TAMM41: variants seen among roughly 807,000 people sequenced by gnomAD.
TAMM41 encodes the protein TAM41 mitochondrial translocator assembly and maintenance homolog.
Under a neutral mutation model 44.1 loss-of-function variants are expected in TAMM41, and 36 were observed. The observed-to-expected ratio is 0.82, with a 90% CI of 0.63 to 1.08. TAMM41 has a LOEUF of 1.08. Among genes scored for constraint, TAMM41 ranks in the 50% least tolerant of loss-of-function variants. TAMM41 has a pLI of 0.00. For synonymous variants in TAMM41, 164 were observed against 153.1 expected, an observed-to-expected ratio of 1.07 and a Z score of -0.53; for missense variants, 417 against 404.3, an observed-to-expected ratio of 1.03 and a Z score of -0.27.
At position 11,833,024 on chromosome 3, in the gene TAMM41, G is replaced by A. The variant is rs187917687; in HGVS notation, c.412-3160C>T. 4,385 of 1,072,322 alleles carry A rather than the reference G, an allele frequency of 4.1e-3. 20 individuals carry two copies. The highest frequency in any genetic ancestry group is 5.7e-3 in the Middle Eastern group (22 of 3,864). The allele number at this position is 1,072,322 out of a possible 1,614,324, so 66.4% of individuals were successfully genotyped here. On this transcript the variant is annotated intron_variant, in intron 3 of 7. Coordinates refer to ENST00000455809, the MANE Select transcript of TAMM41 (RefSeq NM_001284401.2). ...TTACTCAAAGGAAAAATGTCAGTTC[G>A]GAAGATTCTGCTACTGTGCTGATCT... is the stretch of plus-strand genomic sequence containing the variant.
intron 3 of TAMM41, among the ~76,000 whole-genome samples, chr3:11,835,181 C>A (rs1361742682): frequency 6.6e-6 from 1 of 152,114 alleles, no homozygotes; most frequent in East Asian, 1.9e-4. Flanking sequence ...GTCCAAGATA[C>A]TACCACCCTC....
At chr3:11,771,876 C>T in the TAMM41 span, among the ~76,000 whole-genome samples, 1 of 152,054 alleles carries the variant, frequency 6.6e-6, no homozygotes, top group East Asian at 1.9e-4. Context: ...AGCCACCACG[C>T]CCGGCCTGTT....
intron 1 of TAMM41, among the ~76,000 whole-genome samples, 173 bp from the exon 2 acceptor site, chr3:11,844,384 A>G (rs1321484250): frequency 6.6e-6 from 1 of 152,220 alleles, no homozygotes; most frequent in African/African-American, 2.4e-5. Context: ...GTTTTCATCA[A>G]TGTAATAATA....
At chr3:11,786,912 G>C (rs1039160398), downstream of TAMM41, among the ~76,000 whole-genome samples, 4 of 152,208 alleles carry the variant, frequency 2.6e-5, no homozygotes, top group African/African-American at 4.8e-5. Context: ...GACTTTAAAT[G>C]ACAATGATCA....
the TAMM41 span, among the ~76,000 whole-genome samples, chr3:11,728,633 T>A: frequency 6.6e-6 from 1 of 152,216 alleles, no homozygotes; most frequent in Non-Finnish European, 1.5e-5. Flanking sequence ...AGCTGTGACC[T>A]GAGCTTCATG....
intron 7 of TAMM41, among the ~76,000 whole-genome samples, chr3:11,800,594 G>A (rs1009485488): frequency 1.4e-5 from 2 of 147,668 alleles, no homozygotes; most frequent in African/African-American, 2.5e-5. Context: ...ATGATAAAGG[G>A]ATCAGTTCAC....
chr3:11,820,416 T>C (rs1378534466), intron 4 of TAMM41, among the ~76,000 whole-genome samples: 2 of 152,194 alleles, frequency 1.3e-5, no homozygotes, highest in Non-Finnish European at 2.9e-5. Context: ...AATCCAAATC[T>C]TCCCCCTAAA....
At chr3:11,743,042 C>T in the TAMM41 span, among the ~76,000 whole-genome samples, 7 of 152,236 alleles carry the variant, frequency 4.6e-5, no homozygotes, top group East Asian at 7.7e-4. Context: ...GACACAGCCA[C>T]GCAAGATTTT....
chr3:11,808,554 T>C, intron 6 of TAMM41: 1 of 985,460 alleles, frequency 1.0e-6, no homozygotes, highest in Non-Finnish European at 1.2e-6. Context: ...AAATTCTATC[T>C]GGCACGCGGA....
chr3:11,812,946 G>A, intron 5 of TAMM41, among the ~76,000 whole-genome samples: 1 of 152,142 alleles, frequency 6.6e-6, no homozygotes, highest in Non-Finnish European at 1.5e-5. Context: ...CAGCCTCAAG[G>A]CCAGATACAG....
chr3:11,809,173 A>G, intron 6 of TAMM41: 1 of 329,356 alleles, frequency 3.0e-6, no homozygotes, highest in Admixed American at 5.0e-5. Flanking sequence ...TAAAAGCACA[A>G]AAAAATGCCA....
At chr3:11,832,007 G>C (rs2079000999) in intron 3 of TAMM41, among the ~76,000 whole-genome samples, 1 of 152,158 alleles carries the variant, frequency 6.6e-6, no homozygotes, top group Admixed American at 6.5e-5. Context: ...CTTGCCTACA[G>C]TTGCATAATG....
chr3:11,784,803 T>C, the TAMM41 span, among the ~76,000 whole-genome samples: 39 of 147,854 alleles, frequency 2.6e-4, no homozygotes, highest in East Asian at 2.8e-3. Flanking sequence ...TTTCTTTTTT[T>C]TTTTTTTTTT....
At chr3:11,807,048 T>C in intron 7 of TAMM41, 1 of 492,512 alleles carries the variant, frequency 2.0e-6, no homozygotes. Context: ...AAATGTGCCT[T>C]CCATGTTCCC....
the TAMM41 span, among the ~76,000 whole-genome samples, chr3:11,776,021 T>TAA: frequency 0.033 from 5,036 of 150,796 alleles, 274 homozygotes; most frequent in African/African-American, 0.12. Flanking sequence ...AATTAATTTT[T>TAA]TTTTTTTTTT....
downstream of TAMM41, among the ~76,000 whole-genome samples, chr3:11,786,524 C>T (rs1249953794): frequency 2.6e-5 from 4 of 151,580 alleles, no homozygotes; most frequent in Admixed American, 1.3e-4. Flanking sequence ...AGGCTGGTTT[C>T]GAACTCCTGA....
the TAMM41 span, among the ~76,000 whole-genome samples, chr3:11,726,097 CT>C: frequency 5.3e-5 from 8 of 152,218 alleles, no homozygotes; most frequent in African/African-American, 1.9e-4. Context: ...ATCTGAATTG[CT>C]CGTAGTACAT....
the TAMM41 span, among the ~76,000 whole-genome samples, chr3:11,748,956 AGG>A: frequency 1.6e-5 from 2 of 127,682 alleles, no homozygotes; most frequent in Non-Finnish European, 3.2e-5. Flanking sequence ...TCTGTCACCC[AGG>A]GTGGAGTGCA....
chr3:11,826,588 A>C (rs997219073), intron 4 of TAMM41: 1 of 150,076 alleles, frequency 6.7e-6, no homozygotes, highest in East Asian at 2.0e-4. Context: ...TATCTCATTG[A>C]TAATTTCTTT....
Sources: allele counts gnomAD v4.1 joint callset (sites outside exome capture counted in the v4.1 genomes callset), GRCh38; gene constraint gnomAD v4.1.1; transcripts MANE v1.5; gene names NCBI Gene and HGNC (gene_info 2026-07-23, HGNC 2026-07-21).